Variants in ZNF438 observed in about 807,000 individuals in gnomAD.
ZNF438 encodes zinc finger protein 438.
In ZNF438, 25 loss-of-function variants were observed where a neutral mutation model predicts 38.0. That is an observed-to-expected ratio of 0.66 (90% confidence interval 0.48 to 0.92). The LOEUF is 0.92. ZNF438 is among the 40% of genes least tolerant of loss of function. The probability of loss-of-function intolerance (pLI) is 0.00; values close to 1 mark genes in which losing one functional copy is unlikely to be tolerated. For synonymous variants in ZNF438, 372 were observed against 364.1 expected (o/e 1.02, Z -0.25); for missense variants, 1,007 against 999.6 (o/e 1.01, Z -0.10).
intron 2 of ZNF438, among the ~76,000 whole-genome samples, chr10:30,924,894 T>C (rs746699573): frequency 2.6e-5 from 4 of 152,224 alleles, no homozygotes; most frequent in African/African-American, 7.2e-5. Flanking sequence ...AATATTAGTA[T>C]ATAAATGTTA....
intron 1 of ZNF438, among the ~76,000 whole-genome samples, chr10:31,006,156 T>C (rs1690626): frequency 0.02 from 3,117 of 152,318 alleles, 39 homozygotes; most frequent in Non-Finnish European, 0.031. Flanking sequence ...AAGTGATGTC[T>C]TTTGTATGCT....
At chr10:31,030,460 A>G (rs1165280770) in intron 1 of ZNF438, among the ~76,000 whole-genome samples, 1 of 152,248 alleles carries the variant, frequency 6.6e-6, no homozygotes, top group African/African-American at 2.4e-5. Context: ...TAATAACAAT[A>G]GCACACTTAG....
At chr10:30,904,346 C>T (rs2042360211) in intron 3 of ZNF438, among the ~76,000 whole-genome samples, 1 of 152,194 alleles carries the variant, frequency 6.6e-6, no homozygotes, top group Non-Finnish European at 1.5e-5. Flanking sequence ...ACCTCTCTCC[C>T]TTACCTCCCC....
chr10:30,881,690 G>C (rs1367899644), intron 3 of ZNF438, among the ~76,000 whole-genome samples: 2 of 151,868 alleles, frequency 1.3e-5, no homozygotes, highest in African/African-American at 4.8e-5. Flanking sequence ...TCTTAAAAAA[G>C]AAGAAAGAAA....
chr10:30,925,871 T>C (rs1289302904), intron 2 of ZNF438, among the ~76,000 whole-genome samples: 1 of 152,222 alleles, frequency 6.6e-6, no homozygotes, highest in Non-Finnish European at 1.5e-5. Flanking sequence ...TTTAAGCTGT[T>C]ATACAATTTG....
intron 4 of ZNF438, chr10:30,875,593 A>C: frequency 1.0e-6 from 1 of 985,074 alleles, no homozygotes; most frequent in Non-Finnish European, 1.2e-6. Flanking sequence ...AATCTTCCAG[A>C]GGATATATAC....
At chr10:30,953,679 A>C (rs10826897) in intron 1 of ZNF438, among the ~76,000 whole-genome samples, 79,575 of 150,424 alleles carry the variant, frequency 0.53, 22,854 homozygotes, top group African/African-American at 0.77. Flanking sequence ...CAAAAAAAAA[A>C]CAAACATGTG....
rs116496014 is a variant in ZNF438, at chr10:31,003,844, G to A, written c.-192+27989C>T. On this transcript the variant is annotated intron_variant, in intron 1 of 5. Transcript: ENST00000413025. The stretch of plus-strand genomic sequence containing the variant: ...GCTCCCTAGTTTACTCCAAATAAAA[G>A]CCTCCAATGGCTTTTATTGGTACCT... 3.6e-3 allele frequency among the ~76,000 whole-genome samples: 554 copies of A among 152,176 alleles called. 7 individuals carry two copies. The highest frequency in any genetic ancestry group is 0.012 in the African/African-American group (513 of 41,518).
Position 30,942,546 on chromosome 10 carries a change from T to G in ZNF438, c.-191-895A>C, listed in dbSNP as rs374260915. Among the ~76,000 whole-genome samples the G allele has an allele frequency of 1.8e-4, 27 of 152,330 alleles. 2 individuals carry two copies. Among genetic ancestry groups the G allele is most frequent in the African/African-American group, 5.5e-4 (23 of 41,578 alleles). ...TAAACAATTATGCAAGACTGAGACG[T>G]GAAACCATCACCAACATTCAGTGAT... On this transcript the variant is annotated intron_variant, in intron 1 of 5. Transcript: ENST00000413025.
At chr10:30,847,276 T>C (rs1021192338) in intron 5 of ZNF438, among the ~76,000 whole-genome samples, 1 of 152,104 alleles carries the variant, frequency 6.6e-6, no homozygotes, top group Non-Finnish European at 1.5e-5. Flanking sequence ...ACTGCACGCA[T>C]TTCCTCTCCT....
chr10:30,906,322 C>T (rs762187923), intron 3 of ZNF438, among the ~76,000 whole-genome samples: 59 of 152,306 alleles, frequency 3.9e-4, no homozygotes, highest in Admixed American at 1.8e-3. Flanking sequence ...TTTAATGCTA[C>T]TGCCAACGTC....
At chr10:31,009,167 A>T (rs1038083967) in intron 1 of ZNF438, among the ~76,000 whole-genome samples, 15 of 152,192 alleles carry the variant, frequency 9.9e-5, no homozygotes, top group Non-Finnish European at 2.9e-5. Context: ...GTCCGTTATC[A>T]GATATATAAT....
chr10:30,933,756 TG>T (rs1188139596), intron 2 of ZNF438, among the ~76,000 whole-genome samples: 1 of 152,238 alleles, frequency 6.6e-6, no homozygotes, highest in East Asian at 1.9e-4. Flanking sequence ...CCATGTCTAC[TG>T]CCCCTTACAC....
At chr10:30,975,295 A>G (rs1019215011) in intron 1 of ZNF438, among the ~76,000 whole-genome samples, 51 of 152,172 alleles carry the variant, frequency 3.4e-4, no homozygotes, top group African/African-American at 1.0e-3. Flanking sequence ...AGAGAGAATG[A>G]AGTTGGTGCC....
intron 1 of ZNF438, among the ~76,000 whole-genome samples, chr10:30,990,116 T>C (rs2053316165): frequency 6.6e-6 from 1 of 152,152 alleles, no homozygotes; most frequent in Non-Finnish European, 1.5e-5. Flanking sequence ...TTCATAATAA[T>C]ATTCTTAAAA....
intron 1 of ZNF438, among the ~76,000 whole-genome samples, chr10:31,014,910 C>T (rs2056062812): frequency 6.6e-6 from 1 of 151,462 alleles, no homozygotes; most frequent in African/African-American, 2.4e-5. Flanking sequence ...ACTCTGTAAC[C>T]CAAGCTAGAG....
At chr10:31,030,004 TTC>T (rs2057181702) in intron 1 of ZNF438, among the ~76,000 whole-genome samples, 1 of 152,234 alleles carries the variant, frequency 6.6e-6, no homozygotes, top group South Asian at 2.1e-4. Flanking sequence ...TTCTTAACCT[TTC>T]TGTGTGTCAG....
At chr10:30,937,456 T>G (rs1022930192) in intron 2 of ZNF438, among the ~76,000 whole-genome samples, 2 of 152,168 alleles carry the variant, frequency 1.3e-5, no homozygotes, top group African/African-American at 4.8e-5. Flanking sequence ...ATTGCATATG[T>G]GGGAGGTTAT....
At chr10:30,927,036 G>C (rs989383086) in intron 2 of ZNF438, among the ~76,000 whole-genome samples, 2 of 152,198 alleles carry the variant, frequency 1.3e-5, no homozygotes, top group African/African-American at 4.8e-5. Flanking sequence ...TTATTGACTA[G>C]AGTGACCATA....
Sources: gnomAD v4.1 joint callset for allele counts (sites outside exome capture counted in the v4.1 genomes callset) on GRCh38, gnomAD v4.1.1 for gene constraint, MANE v1.5 for transcripts, NCBI Gene and HGNC (gene_info 2026-07-23, HGNC 2026-07-21) for gene names.